Variants in AK9 observed in about 807,000 individuals in gnomAD.
The protein encoded by AK9 is adenylate kinase 9, also known as adenylate kinase domain containing 1.
AK9 carries 191 observed loss-of-function variants against 239.6 expected under a neutral mutation model. That is an observed-to-expected ratio of 0.80 (90% confidence interval 0.71 to 0.90). The LOEUF (loss-of-function observed/expected upper bound fraction) is 0.90. Ranked by LOEUF, AK9 falls within the 40% of genes least tolerant of loss-of-function variation. The probability of loss-of-function intolerance (pLI) is 0.00; values close to 1 mark genes in which losing one functional copy is unlikely to be tolerated. For synonymous variants in AK9, 689 were observed against 721.0 expected, an observed-to-expected ratio of 0.96 and a Z score of 0.71; for missense variants, 1,995 against 2,214.7, an observed-to-expected ratio of 0.90 and a Z score of 1.99.
chr6:109,649,137 A>G (rs546504112), intron 8 of AK9, among the ~76,000 whole-genome samples: 1 of 152,330 alleles, frequency 6.6e-6, no homozygotes, highest in South Asian at 2.1e-4. Context: ...CGAATATCAT[A>G]CTGAATGGAC....
intron 17 of AK9, among the ~76,000 whole-genome samples, chr6:109,605,417 T>C (rs936921548): frequency 6.6e-6 from 1 of 152,204 alleles, no homozygotes; most frequent in Non-Finnish European, 1.5e-5. Context: ...TATTGAGATA[T>C]TCATTTGAGT....
chr6:109,625,130 A>G (rs1795360487), intron 12 of AK9, among the ~76,000 whole-genome samples: 1 of 151,932 alleles, frequency 6.6e-6, no homozygotes, highest in Non-Finnish European at 1.5e-5. Context: ...TGGAAGCTTC[A>G]TTTGCGTGAG....
chr6:109,665,617 G>A (rs1801081650), intron 5 of AK9, among the ~76,000 whole-genome samples: 1 of 152,124 alleles, frequency 6.6e-6, no homozygotes, highest in Non-Finnish European at 1.5e-5. Context: ...CACGATGGCT[G>A]GCATTAACTC....
At chr6:109,612,598 C>T (rs765374234) in intron 15 of AK9, among the ~76,000 whole-genome samples, 1 of 152,056 alleles carries the variant, frequency 6.6e-6, no homozygotes, top group Non-Finnish European at 1.5e-5. Context: ...ATGAGGCTGT[C>T]AGCTGCCATC....
At chr6:109,593,392 A>T (rs1034810513) in intron 17 of AK9, among the ~76,000 whole-genome samples, 2 of 152,158 alleles carry the variant, frequency 1.3e-5, no homozygotes. Flanking sequence ...AACCAAAAAA[A>T]GCCCAGGACC....
intron 9 of AK9, among the ~76,000 whole-genome samples, chr6:109,643,146 T>A (rs1797661863): frequency 6.6e-6 from 1 of 152,038 alleles, no homozygotes; most frequent in Admixed American, 6.5e-5. Context: ...AAAGAAGTGA[T>A]CTGTTGTGTC....
chr6:109,623,626 C>T (rs924434938), intron 12 of AK9, among the ~76,000 whole-genome samples: 2 of 152,062 alleles, frequency 1.3e-5, no homozygotes, highest in African/African-American at 4.8e-5. Context: ...AGAGACTATG[C>T]AAGATCATAA....
At chr6:109,533,165 T>C (rs1481669637) in intron 28 of AK9, 86 bp downstream of exon 28, 16 of 987,596 alleles carry the variant, frequency 1.6e-5, no homozygotes, top group Non-Finnish European at 2.3e-5. Context: ...ATTAGAATAC[T>C]ATATTTTTTG....
chr6:109,636,642 CAT>C (rs1229667147), intron 10 of AK9, among the ~76,000 whole-genome samples: 1 of 150,166 alleles, frequency 6.7e-6, no homozygotes, highest in African/African-American at 2.5e-5. Flanking sequence ...TAAGTGGAAT[CAT>C]ATGTTTGCCC....
At chr6:109,518,783 A>G (rs1476388) in intron 29 of AK9, among the ~76,000 whole-genome samples, 52,514 of 151,960 alleles carry the variant, frequency 0.35, 9,554 homozygotes, top group South Asian at 0.44. Flanking sequence ...ATCAGAACAT[A>G]CATCTCAATT....
At chr6:109,598,495 C>G (rs992785636) in intron 17 of AK9, among the ~76,000 whole-genome samples, 1 of 152,088 alleles carries the variant, frequency 6.6e-6, no homozygotes, top group Non-Finnish European at 1.5e-5. Flanking sequence ...TGGGTTGGTT[C>G]TAAGTCTTTG....
rs79468914 is a variant in AK9 at position 109,556,949 on chromosome 6, A to C, written c.2752-6647T>G. Among the ~76,000 whole-genome samples the C allele has an allele frequency of 5.1e-3, 767 of 151,808 alleles. 6 individuals are homozygous for C. The highest frequency in any genetic ancestry group is 0.017 in the African/African-American group (697 of 41,396). The stretch of plus-strand genomic sequence containing the variant: ...TAACATGCTCCTTTAACTCATCTTA[A>C]TTTTTTATTACCTATCTTCTGAATC... On this transcript the variant is annotated intron_variant, in intron 24 of 40. Coordinates refer to ENST00000424296, the MANE Select transcript of AK9 (RefSeq NM_001145128.3).
At chr6:109,630,347 G>C (rs1795983109) in intron 12 of AK9, among the ~76,000 whole-genome samples, 1 of 152,064 alleles carries the variant, frequency 6.6e-6, no homozygotes, top group Admixed American at 6.6e-5. Context: ...TCCTCCAACT[G>C]ATCTATAAAT....
At chr6:109,564,693 C>T in intron 22 of AK9, 63 bp downstream of exon 22, 1 of 1,281,138 alleles carries the variant, frequency 7.8e-7, no homozygotes, top group Non-Finnish European at 1.1e-6. Context: ...AAATTAGGGA[C>T]CCTTTGTAAG....
At chr6:109,682,443 A>T (rs1283845863) in intron 1 of AK9, among the ~76,000 whole-genome samples, 1 of 151,204 alleles carries the variant, frequency 6.6e-6, no homozygotes, top group Non-Finnish European at 1.5e-5. Flanking sequence ...AAAAAAAAAA[A>T]ATCAATGAAT....
At chr6:109,612,174 G>A (rs1220562404) in intron 15 of AK9, 81 bp from the exon 16 acceptor site, 9 of 911,372 alleles carry the variant, frequency 9.9e-6, no homozygotes, top group African/African-American at 6.9e-5. Flanking sequence ...TGTAATATAA[G>A]CCTAGGGAAC....
intron 29 of AK9, among the ~76,000 whole-genome samples, chr6:109,518,389 A>G (rs1050048766): frequency 1.7e-4 from 26 of 152,282 alleles, no homozygotes; most frequent in African/African-American, 6.3e-4. Flanking sequence ...CTTTGCAAGT[A>G]TAGTGGGATA....
rs1776739105 is a variant in AK9, at chr6:109,493,547, T to C, written c.5558A>G (p.Tyr1853Cys). 1 of 1,613,758 alleles carries C rather than the reference T, an allele frequency of 6.2e-7. No homozygotes were observed. Among genetic ancestry groups the C allele is most frequent in the African/African-American group, 1.3e-5 (1 of 74,920 alleles). ...LKAFNPKGSE[Y>C]TRKKYKKKME... The stretch of plus-strand genomic sequence containing the variant: ...CTTCTTCTTATACTTTTTTCTTGTG[T>C]ATTCGGAACCTTTGGGATTAAATGC... The change falls in exon 41 of 41, where the codon TAC (tyrosine) becomes TGC (cysteine). Residue 1853 changes from tyrosine to cysteine, a missense_variant. Tyr to Cys is a radical substitution (Grantham distance 194). Around this residue, in one of 5 missense-constraint regions of AK9, gnomAD observed 391 missense variants for 456.0 expected, o/e 0.86. Coordinates refer to ENST00000424296, the MANE Select transcript of AK9 (RefSeq NM_001145128.3).
At position 109,614,238 on chromosome 6, in the gene AK9, G is replaced by A. The variant is rs928032178; in HGVS notation, c.1554C>T (p.Ala518=). Reference sequence around the variant, plus strand: ...GGAGGACATTTTCTGACTTTGTTTTGGCTTCTTCGGTGTCCACTAAAGAGC... The same window carrying A: ...GGAGGACATTTTCTGACTTTGTTTTAGCTTCTTCGGTGTCCACTAAAGAGC... ...RGSSLVDTEE[A]KTKSENVLHD... Residue 518 remains alanine, a synonymous_variant, in exon 15 of 41, where the codon GCC becomes GCT. Coordinates refer to ENST00000424296, the MANE Select transcript of AK9 (RefSeq NM_001145128.3). The A allele has an allele frequency of 2.0e-5, 31 of 1,551,124 alleles. No homozygotes were observed. The Middle Eastern group carries it at 5.0e-4, about 25-fold the overall frequency.
Sources: gnomAD v4.1 joint callset for allele counts (sites outside exome capture counted in the v4.1 genomes callset) on GRCh38, gnomAD v4.1.1 for gene constraint, gnomAD v4.1.1 regional missense constraint, MANE v1.5 for transcripts, NCBI Gene and HGNC (gene_info 2026-07-23, HGNC 2026-07-21) for gene names.